Variants in SNX8 observed in about 807,000 individuals in gnomAD.
SNX8 encodes the protein sorting nexin 8.
SNX8 carries 25 observed loss-of-function variants against 51.6 expected under a neutral mutation model. The ratio of observed to expected loss-of-function variants is 0.48; its 90% CI spans 0.35 to 0.68. SNX8 has a LOEUF of 0.68. SNX8 is among the 30% of genes least tolerant of loss of function. The pLI is 0.00. For synonymous variants in SNX8, 324 were observed against 277.0 expected (o/e 1.17, Z -1.68); for missense variants, 695 against 624.0 (o/e 1.11, Z -1.21).
intron 7 of SNX8, 97 bp downstream of exon 7, chr7:2,263,133 A>G (rs1795376268): frequency 7.0e-7 from 1 of 1,434,024 alleles, no homozygotes; most frequent in African/African-American, 1.4e-5. Flanking sequence ...AACAAAACAA[A>G]AACGAACTGT....
At chr7:2,352,056 T>A (rs563300793) in intron 1 of SNX8, among the ~76,000 whole-genome samples, 1 of 151,782 alleles carries the variant, frequency 6.6e-6, no homozygotes, top group Non-Finnish European at 1.5e-5. Flanking sequence ...TACAGGCATG[T>A]GCCACCATGC....
intron 8 of SNX8, 49 bp from the exon 9 acceptor site, chr7:2,257,563 G>T (rs767238780): frequency 6.3e-7 from 1 of 1,593,724 alleles, no homozygotes; most frequent in South Asian, 1.1e-5. Context: ...GCCTGCGCCA[G>T]GGCCCTGCGG....
At chr7:2,255,220 C>T (rs1443117272) in intron 10 of SNX8, 51 bp from the exon 11 acceptor site, 3 of 1,192,850 alleles carry the variant, frequency 2.5e-6, no homozygotes, top group African/African-American at 3.1e-5. Context: ...CGGGGCTCCT[C>T]CTCACGCTCT....
At chr7:2,279,300 CGGACTCACTCACACTACGGAGTCGACGCT>C (rs1279721510) in intron 1 of SNX8, among the ~76,000 whole-genome samples, 97 of 148,592 alleles carry the variant, frequency 6.5e-4, no homozygotes, top group African/African-American at 1.8e-3. Context: ...GAGTCGAAGC[CGGACTCACTCACACTACGGAGTCGACGCT>C]GGACTCACTC....
chr7:2,328,552 C>A (rs1778669919), intron 1 of SNX8, among the ~76,000 whole-genome samples: 1 of 152,112 alleles, frequency 6.6e-6, no homozygotes, highest in African/African-American at 2.4e-5. Context: ...GTGGTTCACG[C>A]CTGTAATCCC....
intron 5 of SNX8, among the ~76,000 whole-genome samples, chr7:2,268,743 A>C (rs1470385082): frequency 0.056 from 211 of 3,790 alleles, 4 homozygotes; most frequent in Non-Finnish European, 0.11. Context: ...TCAGCCCCCC[A>C]GCCCGGCCAG....
intron 1 of SNX8, among the ~76,000 whole-genome samples, chr7:2,332,982 G>A (rs1778766017): frequency 6.6e-6 from 1 of 152,084 alleles, no homozygotes; most frequent in African/African-American, 2.4e-5. Context: ...TTCTAAAGCT[G>A]TAGTAAGCTG....
intron 4 of SNX8, among the ~76,000 whole-genome samples, chr7:2,270,932 C>A (rs140480619): frequency 6.6e-6 from 1 of 152,168 alleles, no homozygotes; most frequent in Non-Finnish European, 1.5e-5. Flanking sequence ...CGCCCCTCCC[C>A]GCACAGGGAG....
intron 5 of SNX8, among the ~76,000 whole-genome samples, chr7:2,268,403 A>C (rs1407004347): frequency 8.6e-6 from 1 of 116,788 alleles, no homozygotes; most frequent in East Asian, 3.1e-4. Flanking sequence ...CCATCTGGGA[A>C]GTGAGGAGCG....
intron 4 of SNX8, among the ~76,000 whole-genome samples, chr7:2,271,465 G>A (rs1158958398): frequency 6.6e-6 from 1 of 152,190 alleles, no homozygotes; most frequent in Non-Finnish European, 1.5e-5. Flanking sequence ...GTGGGCTGTG[G>A]CTCTGACAAG....
intron 2 of SNX8, among the ~76,000 whole-genome samples, chr7:2,275,574 C>T (rs562640837): frequency 2.0e-5 from 3 of 152,172 alleles, no homozygotes; most frequent in African/African-American, 4.8e-5. Flanking sequence ...TGGTGGTGGG[C>T]GGCTGTAGTC....
chr7:2,281,496 C>T (rs564633051), intron 1 of SNX8, among the ~76,000 whole-genome samples: 25 of 151,946 alleles, frequency 1.6e-4, no homozygotes, highest in Non-Finnish European at 2.8e-4. Flanking sequence ...CACTGCAGAA[C>T]GGGCAGAAAC....
intron 1 of SNX8, among the ~76,000 whole-genome samples, chr7:2,281,797 G>A (rs181589980): frequency 3.7e-4 from 57 of 152,282 alleles, no homozygotes; most frequent in African/African-American, 1.0e-3. Flanking sequence ...GGCCTAGCAC[G>A]CAGCCGCCTC....
chr7:2,347,101 A>C (rs1324875039), intron 1 of SNX8, among the ~76,000 whole-genome samples: 1 of 151,932 alleles, frequency 6.6e-6, no homozygotes, highest in Non-Finnish European at 1.5e-5. Flanking sequence ...GAGGTAGGAG[A>C]ATTACTTGAG....
intron 1 of SNX8, among the ~76,000 whole-genome samples, chr7:2,334,312 A>T (rs968260787): frequency 6.6e-6 from 1 of 152,036 alleles, no homozygotes; most frequent in Admixed American, 6.6e-5. Context: ...CTGAGGCAGG[A>T]GAATCACTTG....
chr7:2,263,121 A>G, intron 7 of SNX8, 109 bp downstream of exon 7: 2 of 1,358,780 alleles, frequency 1.5e-6, no homozygotes, highest in Non-Finnish European at 2.0e-6. Context: ...CCTTCTCAAA[A>G]CAACAAAACA....
At chr7:2,300,225 G>A (rs1003441742) in intron 1 of SNX8, among the ~76,000 whole-genome samples, 2 of 152,146 alleles carry the variant, frequency 1.3e-5, no homozygotes, top group Non-Finnish European at 2.9e-5. Context: ...TGGTTAACCA[G>A]GATGCTCAGA....
chr7:2,307,489 A>T (rs752361449), intron 1 of SNX8, among the ~76,000 whole-genome samples: 5 of 151,888 alleles, frequency 3.3e-5, no homozygotes, highest in Non-Finnish European at 5.9e-5. Context: ...AAAATTAGCC[A>T]GGTGCGGTGG....
chr7:2,291,697 T>A (rs1796155609), intron 1 of SNX8, among the ~76,000 whole-genome samples: 1 of 151,790 alleles, frequency 6.6e-6, no homozygotes, highest in African/African-American at 2.4e-5. Context: ...CTCTCCAGGC[T>A]CCAAGCTCAG....
Sources: allele counts gnomAD v4.1 joint callset (sites outside exome capture counted in the v4.1 genomes callset), GRCh38; gene constraint gnomAD v4.1.1; transcripts MANE v1.5; gene names NCBI Gene and HGNC (gene_info 2026-07-23, HGNC 2026-07-21).